The following DNAH7 variants were observed in gnomAD, a reference collection of about 807,000 sequenced individuals.
DNAH7 encodes the protein axonemal beta dynein heavy chain 7.
A neutral mutation model predicts 444.6 loss-of-function variants in DNAH7; 397 were observed. The observed-to-expected ratio is 0.89, with a 90% CI of 0.82 to 0.97. The LOEUF (loss-of-function observed/expected upper bound fraction) is 0.97. Among genes scored for constraint, DNAH7 ranks in the 50% least tolerant of loss-of-function variants. The pLI is 0.00. For synonymous variants in DNAH7, 1,636 were observed against 1,624.4 expected (o/e 1.01, Z -0.17); for missense variants, 4,902 against 4,800.8 (o/e 1.02, Z -0.62).
intron 46 of DNAH7, among the ~76,000 whole-genome samples, chr2:195,849,967 G>C (rs1255208914): frequency 6.6e-6 from 1 of 152,164 alleles, no homozygotes; most frequent in Non-Finnish European, 1.5e-5. Context: ...TTTTGGAGAG[G>C]TCTGCAAGCT....
intron 62 of DNAH7, 90 bp downstream of exon 62, chr2:195,756,043 A>G (rs1694053620): frequency 7.5e-7 from 1 of 1,336,164 alleles, no homozygotes; most frequent in Non-Finnish European, 1.0e-6. Context: ...CAGAAAAACT[A>G]GAGAGTAATA....
chr2:195,986,586 C>T (rs1692926922), intron 14 of DNAH7, among the ~76,000 whole-genome samples: 1 of 152,110 alleles, frequency 6.6e-6, no homozygotes, highest in African/African-American at 2.4e-5. Context: ...GTTTACTTAA[C>T]ATGGGTCAGT....
chr2:196,068,443 C>T, intron 1 of DNAH7: 1 of 550,514 alleles, frequency 1.8e-6, no homozygotes, highest in Non-Finnish European at 3.2e-6. Context: ...TGGGCTGTGG[C>T]TCCCCCTGCT....
chr2:195,868,229 T>C (rs1204527833), intron 40 of DNAH7, among the ~76,000 whole-genome samples: 1 of 151,406 alleles, frequency 6.6e-6, no homozygotes, highest in Non-Finnish European at 1.5e-5. Flanking sequence ...TCTGAGTAGC[T>C]GGGACTACAG....
chr2:195,888,932 C>T lies in DNAH7; in HGVS notation c.5096G>A (p.Trp1699Ter). 4 of 1,613,832 alleles carry T rather than the reference C, an allele frequency of 2.5e-6. No individual in the cohort carries two copies. The highest frequency in any genetic ancestry group is 3.4e-6 in the Non-Finnish European group (4 of 1,179,912). Reference protein sequence around the residue: ...LIFDGPVDAVWIENMNTVLDD... With the variant: ...LIFDGPVDAV ...CAGCACAGTGTTCATATTCTCAATC[C>T]ACACTGCATCTACTGGGCCATCAAA... Residue 1699 changes from tryptophan to a stop codon, truncating the protein, a stop_gained, in exon 32 of 65, where the codon TGG (tryptophan) becomes TAG (stop). Coordinates refer to ENST00000312428, the MANE Select transcript of DNAH7 (RefSeq NM_018897.3). LOFTEE classifies it high-confidence loss of function.
At chr2:195,862,950 T>A (rs1242335395) in intron 41 of DNAH7, among the ~76,000 whole-genome samples, 1 of 152,096 alleles carries the variant, frequency 6.6e-6, no homozygotes, top group East Asian at 1.9e-4. Flanking sequence ...GCAGAAGAAT[T>A]GCTTGAACCT....
chr2:195,956,146 A>G (rs1305209727), intron 19 of DNAH7, among the ~76,000 whole-genome samples: 4 of 152,228 alleles, frequency 2.6e-5, no homozygotes, highest in Non-Finnish European at 5.9e-5. Context: ...TTCGGATTAT[A>G]GTAACAGCTC....
rs776410474 is a variant in DNAH7 at position 195,957,469 on chromosome 2, C to T, written c.2892-22G>A. On this transcript the variant is annotated intron_variant, in intron 18 of 64. Coordinates refer to ENST00000312428, the MANE Select transcript of DNAH7 (RefSeq NM_018897.3). ...TTCTCTGAGGAGCAAAACACAGTGGCTCTTACTGACAGCAAACCAAGCAAA... is the reference window on the plus strand; with the variant it reads ...TTCTCTGAGGAGCAAAACACAGTGGTTCTTACTGACAGCAAACCAAGCAAA... 2.0e-5 allele frequency: 30 copies of T among 1,471,842 alleles called. No homozygotes were observed. The African/African-American group carries it at 3.8e-4, about 19-fold the overall frequency. 91.2% of individuals were successfully genotyped at this position (1,471,842 alleles called of 1,614,324 possible). A position where few individuals can be genotyped will look rare whatever the true frequency, so the allele number is the denominator to read the frequency against.
chr2:195,871,759 G>A lies in DNAH7; in HGVS notation c.6633+491C>T, dbSNP rs1379282800. Among the ~76,000 whole-genome samples the A allele has an allele frequency of 2.4e-5, 2 of 83,698 alleles. 1 individual carries two copies. The allele number at this position is 83,698 out of a possible 152,430, so 54.9% of individuals were successfully genotyped here. The stretch of plus-strand genomic sequence containing the variant: ...ATCCCGGCTAAAACGGTGAAACCCC[G>A]TCTCTACTAAAAATACAAAAAATTA... On this transcript the variant is annotated intron_variant, in intron 40 of 64. Transcript: ENST00000312428.
At chr2:196,030,088 C>T (rs1336129463) in intron 5 of DNAH7, among the ~76,000 whole-genome samples, 1 of 152,048 alleles carries the variant, frequency 6.6e-6, no homozygotes, top group African/African-American at 2.4e-5. Flanking sequence ...TAAAGACATA[C>T]CTGAGACTGG....
chr2:195,740,335 A>G (rs1299513430), intron 64 of DNAH7, among the ~76,000 whole-genome samples: 2 of 152,144 alleles, frequency 1.3e-5, no homozygotes, highest in Non-Finnish European at 2.9e-5. Context: ...ATATTAGCTC[A>G]TGCCTCAACG....
chr2:196,027,855 C>A (rs1205402276), intron 6 of DNAH7, 105 bp downstream of exon 6: 2 of 966,458 alleles, frequency 2.1e-6, no homozygotes, highest in African/African-American at 3.4e-5. Flanking sequence ...CCTATGTCCA[C>A]AGAGTTTCAC....
In DNAH7 at chr2:195,876,703, T is replaced by C. The variant is rs756128248; in HGVS notation, c.5962-4A>G. On this transcript the variant is annotated splice_polypyrimidine_tract_variant and splice_region_variant and intron_variant, in intron 36 of 64. Coordinates refer to ENST00000312428, the MANE Select transcript of DNAH7 (RefSeq NM_018897.3). ...TTAGTTGATTTAAAAGAAAATTCTA[T>C]ATAACAAAATAATAAAATGAGCCAT... The C allele has an allele frequency of 5.9e-6, 9 of 1,529,756 alleles. No homozygotes were observed. In the South Asian group the frequency reaches 7.0e-5, roughly 12 times the overall value. The allele number at this position is 1,529,756 out of a possible 1,614,324, so 94.8% of individuals were successfully genotyped here. A position where few individuals can be genotyped will look rare whatever the true frequency, so the allele number is the denominator to read the frequency against.
rs771789258 is a variant in DNAH7, at chr2:196,027,950, G to A, written c.486+10C>T. 6 of 1,608,278 alleles carry A rather than the reference G, an allele frequency of 3.7e-6. No homozygotes were observed. The East Asian group carries it at 1.3e-4, about 36-fold the overall frequency. On this transcript the variant is annotated intron_variant, in intron 6 of 64. Transcript: ENST00000312428. ...TTTCAATTATACAGACAAAACAAAT[G>A]GCCAGTTACCAAGATGTCTTTCTCT...
rs780381837 is a variant in DNAH7, at chr2:195,934,543, T to C, written c.3471+48A>G. ...TATCAACAGAATATTTCTAATAACA[T>C]TCATATTCTAGCATCCTTTTCTAAA... On this transcript the variant is annotated intron_variant, in intron 21 of 64. Transcript: ENST00000312428. 5 of 1,543,202 alleles carry C rather than the reference T, an allele frequency of 3.2e-6. No individual in the cohort carries two copies. In the Admixed American group the frequency reaches 8.5e-5, roughly 26 times the overall value.
intron 51 of DNAH7, among the ~76,000 whole-genome samples, chr2:195,812,948 CA>C (rs950424434): frequency 6.6e-6 from 1 of 151,654 alleles, no homozygotes; most frequent in African/African-American, 2.4e-5. Context: ...ACTTTAACAA[CA>C]AAAAAAAGAT....
At chr2:195,992,684 C>CA (rs1305576426) in intron 12 of DNAH7, among the ~76,000 whole-genome samples, 2 of 152,074 alleles carry the variant, frequency 1.3e-5, no homozygotes, top group Non-Finnish European at 2.9e-5. Flanking sequence ...CCTTAGTATC[C>CA]AAAAAATGGA....
Position 195,853,233 on chromosome 2 carries a change from T to TC in DNAH7, c.8781+109dup, listed in dbSNP as rs1254945165. 2.1e-5 allele frequency: 19 copies of TC among 913,602 alleles called. No individual in the cohort carries two copies. The African/African-American group carries it at 3.0e-4, about 15-fold the overall frequency. The allele number at this position is 913,602 out of a possible 1,614,324, so 56.6% of individuals were successfully genotyped here. A position where few individuals can be genotyped will look rare whatever the true frequency, so the allele number is the denominator to read the frequency against. ...AAGCAGAAATCATGCAAAAATACCTTCCTCCTTGTACTTAACAAAAAACTG... is the reference window on the plus strand; with the variant it reads ...AAGCAGAAATCATGCAAAAATACCTTCCCTCCTTGTACTTAACAAAAAACTG... On this transcript the variant is annotated intron_variant, in intron 46 of 64. Coordinates refer to ENST00000312428, the MANE Select transcript of DNAH7 (RefSeq NM_018897.3).
intron 49 of DNAH7, among the ~76,000 whole-genome samples, chr2:195,820,823 G>A (rs972070449): frequency 1.3e-5 from 2 of 152,072 alleles, no homozygotes; most frequent in South Asian, 2.1e-4. Flanking sequence ...AACCCCATGG[G>A]CAAACTACCT....
Sources: allele counts gnomAD v4.1 joint callset (sites outside exome capture counted in the v4.1 genomes callset), GRCh38; gene constraint gnomAD v4.1.1; transcripts MANE v1.5; gene names NCBI Gene and HGNC (gene_info 2026-07-23, HGNC 2026-07-21).